The following TNRC6A variants were observed in gnomAD, a reference collection of about 807,000 sequenced individuals.
The protein encoded by TNRC6A is trinucleotide repeat-containing gene 6A protein.
In TNRC6A, 44 loss-of-function variants were observed where a neutral mutation model predicts 221.2. That is an observed-to-expected ratio of 0.20 (90% CI 0.16 to 0.26). The LOEUF (loss-of-function observed/expected upper bound fraction) is 0.26. Ranked by LOEUF, TNRC6A falls within the 10% of genes least tolerant of loss-of-function variation. The probability of loss-of-function intolerance (pLI) is 1.00; values close to 1 mark genes in which losing one functional copy is unlikely to be tolerated. For synonymous variants in TNRC6A, 847 were observed against 838.5 expected (o/e 1.01, Z -0.18); for missense variants, 2,199 against 2,404.4 (o/e 0.91, Z 1.79).
In TNRC6A at chr16:24,796,090, G is replaced by A. The variant is rs117968017; in HGVS notation, c.3561+151G>A. The A allele has an allele frequency of 4.4e-3, 3,497 of 786,904 alleles. 14 individuals are homozygous for A. The highest frequency in any genetic ancestry group is 6.5e-3 in the Non-Finnish European group (3,086 of 476,878). The allele number at this position is 786,904 out of a possible 1,614,324, so 48.7% of individuals were successfully genotyped here. A position where few individuals can be genotyped will look rare whatever the true frequency, so the allele number is the denominator to read the frequency against. Reference sequence around the variant, plus strand: ...CACTAAGATATGAGTTTCACCTTTCGGGAGCTCACAGTCTAGTATGGGGCA... The same window carrying A: ...CACTAAGATATGAGTTTCACCTTTCAGGAGCTCACAGTCTAGTATGGGGCA... On this transcript the variant is annotated intron_variant, in intron 9 of 24. Transcript: ENST00000395799.
intron 4 of TNRC6A, among the ~76,000 whole-genome samples, chr16:24,763,604 T>C (rs756369029): frequency 4.6e-5 from 7 of 152,210 alleles, no homozygotes; most frequent in Non-Finnish European, 7.3e-5. Flanking sequence ...TAATCCATTA[T>C]TCTAAACTCA....
chr16:24,778,796 G>A (rs2057779979), intron 5 of TNRC6A, among the ~76,000 whole-genome samples: 2 of 152,142 alleles, frequency 1.3e-5, no homozygotes, highest in South Asian at 4.1e-4. Flanking sequence ...CTAATGCCAA[G>A]TAGTAGGCAA....
intron 17 of TNRC6A, among the ~76,000 whole-genome samples, chr16:24,807,935 C>T (rs1173905286): frequency 2.0e-5 from 3 of 152,184 alleles, no homozygotes; most frequent in African/African-American, 4.8e-5. Context: ...CTGCTGCTGC[C>T]TCACTCTGTG....
chr16:24,750,787 A>G lies in TNRC6A; in HGVS notation c.115A>G (p.Lys39Glu). Reference protein sequence around the residue: ...EEKKKKKDDKKKKEAAQKKAT... With the variant: ...EEKKKKKDDKEKKEAAQKKAT... The stretch of plus-strand genomic sequence containing the variant: ...AAAGAAAAAGAAAAAAGACGACAAG[A>G]AAAAGAAGGAAGCTGCTCAAAAGAA... The change falls in exon 3 of 25, where the codon AAA (lysine) becomes GAA (glutamate). Residue 39 changes from lysine (K) to glutamate (E), a missense_variant. Physicochemically the swap from Lys to Glu is moderately conservative, Grantham distance 56. Coordinates refer to ENST00000395799, the MANE Select transcript of TNRC6A (RefSeq NM_014494.4). 1 of 1,566,898 alleles carries G rather than the reference A, an allele frequency of 6.4e-7. No homozygotes were observed. Among genetic ancestry groups the G allele is most frequent in the South Asian group, 1.2e-5 (1 of 80,922 alleles).
chr16:24,617,279 C>A (rs1432249980), intron 1 of TNRC6A, among the ~76,000 whole-genome samples: 2 of 151,974 alleles, frequency 1.3e-5, no homozygotes, highest in South Asian at 2.1e-4. Context: ...GTGTATGTCA[C>A]CACACTTGGC....
At chr16:24,750,238 C>A (rs527453915) in intron 2 of TNRC6A, among the ~76,000 whole-genome samples, 2 of 152,268 alleles carry the variant, frequency 1.3e-5, no homozygotes, top group South Asian at 4.1e-4. Flanking sequence ...ATACAAATCA[C>A]CTATTTATTA....
chr16:24,630,506 C>T (rs1901277288), intron 1 of TNRC6A, among the ~76,000 whole-genome samples: 1 of 152,116 alleles, frequency 6.6e-6, no homozygotes, highest in African/African-American at 2.4e-5. Flanking sequence ...TCTACAAAAA[C>T]AAACAACAAC....
chr16:24,793,768 TGATA>T (rs1301072267), intron 7 of TNRC6A, 119 bp downstream of exon 7: 67 of 858,406 alleles, frequency 7.8e-5, no homozygotes, highest in Admixed American at 3.0e-4. Context: ...TAATGTAACA[TGATA>T]GATGATGTTC....
intron 2 of TNRC6A, among the ~76,000 whole-genome samples, chr16:24,713,706 G>C (rs1273626985): frequency 6.6e-6 from 1 of 151,932 alleles, no homozygotes; most frequent in African/African-American, 2.4e-5. Flanking sequence ...GAGTGCAGTG[G>C]CATGATCTTG....
At chr16:24,791,946 T>C in intron 6 of TNRC6A, 129 bp downstream of exon 6, 2 of 1,026,060 alleles carry the variant, frequency 1.9e-6, no homozygotes. Context: ...TTGAAAAAAA[T>C]TATAGGGGTG....
intron 1 of TNRC6A, among the ~76,000 whole-genome samples, chr16:24,637,133 G>A (rs1319258305): frequency 6.6e-6 from 1 of 152,082 alleles, no homozygotes; most frequent in African/African-American, 2.4e-5. Flanking sequence ...CCCAGGCTCA[G>A]GTGATCCTCC....
chr16:24,712,440 G>A (rs147474237), intron 2 of TNRC6A, among the ~76,000 whole-genome samples: 21 of 152,208 alleles, frequency 1.4e-4, no homozygotes, highest in Middle Eastern at 6.8e-3. Context: ...TATTTCTCTC[G>A]TTCTAGTTTT....
At chr16:24,721,500 C>T (rs150469285) in intron 2 of TNRC6A, among the ~76,000 whole-genome samples, 2 of 152,160 alleles carry the variant, frequency 1.3e-5, no homozygotes, top group East Asian at 3.9e-4. Flanking sequence ...GAAAACCTGT[C>T]TCTACAAACA....
At chr16:24,778,319 T>G in intron 5 of TNRC6A, 3 of 985,058 alleles carry the variant, frequency 3.0e-6, no homozygotes, top group Non-Finnish European at 3.6e-6. Flanking sequence ...CTCTGTACAT[T>G]GTAATATATT....
At position 24,617,707 on chromosome 16, in the gene TNRC6A, A is replaced by G. The variant is rs186509548; in HGVS notation, n.276+7223A>G. ...CATGGAGAGACTAAATAACTCACCC[A>G]GAGTCATGTGCCTTGTAAGTGGTCA... is the stretch of plus-strand genomic sequence containing the variant. On this transcript the variant is annotated intron_variant and non_coding_transcript_variant, in intron 1 of 2. Transcript: ENST00000566108. 1.4e-3 allele frequency among the ~76,000 whole-genome samples: 217 copies of G among 152,244 alleles called. 1 individual carries two copies. Among genetic ancestry groups the G allele is most frequent in the African/African-American group, 4.1e-3 (169 of 41,532 alleles).
intron 2 of TNRC6A, among the ~76,000 whole-genome samples, chr16:24,651,273 T>A (rs1902631086): frequency 6.6e-6 from 1 of 151,654 alleles, no homozygotes; most frequent in African/African-American, 2.4e-5. Context: ...GCGCCGTGCC[T>A]CACGCCTGTA....
At position 24,790,805 on chromosome 16, in the gene TNRC6A, T is replaced by C. The variant is rs763317344; in HGVS notation, c.2163T>C (p.Ser721=). 3 of 1,614,160 alleles carry C rather than the reference T, an allele frequency of 1.9e-6. No individual in the cohort carries two copies. The highest frequency in any genetic ancestry group is 2.5e-6 in the Non-Finnish European group (3 of 1,180,040). The part of the protein sequence containing the change: ...TDLDPRVLSN[S]GWGQTPIKQN... ...TAGATCCACGTGTCCTGTCCAACTC[T>C]GGTTGGGGACAGACTCCTATTAAGC... The change falls in exon 6 of 25, where the codon TCT becomes TCC. Residue 721 remains serine, a synonymous_variant. Transcript: ENST00000395799.
intron 5 of TNRC6A, among the ~76,000 whole-genome samples, chr16:24,779,728 A>T (rs190725992): frequency 5.8e-4 from 88 of 152,370 alleles, no homozygotes; most frequent in Non-Finnish European, 1.6e-4. Flanking sequence ...CAGCGTGCAC[A>T]GTAGCCCAGA....
At chr16:24,623,901 C>CAAAAA (rs67546745) in intron 1 of TNRC6A, among the ~76,000 whole-genome samples, 14 of 55,190 alleles carry the variant, frequency 2.5e-4, no homozygotes, top group African/African-American at 3.9e-4. Context: ...GACCCTGTCT[C>CAAAAA]AAAAAAAAAA....
Sources: gnomAD v4.1 joint callset for allele counts (sites outside exome capture counted in the v4.1 genomes callset) on GRCh38, gnomAD v4.1.1 for gene constraint, MANE v1.5 for transcripts, NCBI Gene and HGNC (gene_info 2026-07-23, HGNC 2026-07-21) for gene names.